RAP1GAP: variants seen among roughly 807,000 people sequenced by gnomAD.
RAP1GAP encodes the protein RAP1 GTPase activating protein.
RAP1GAP carries 35 observed loss-of-function variants against 87.2 expected under a neutral mutation model. The observed-to-expected ratio is 0.40, with a 90% CI of 0.31 to 0.53. RAP1GAP has a LOEUF of 0.53. RAP1GAP is among the 20% of genes least tolerant of loss of function. The probability of loss-of-function intolerance (pLI) is 0.48; values close to 1 mark genes in which losing one functional copy is unlikely to be tolerated. For missense variants in RAP1GAP, 734 were observed against 898.9 expected, an observed-to-expected ratio of 0.82 and a Z score of 2.35; for synonymous variants, 375 against 363.9, an observed-to-expected ratio of 1.03 and a Z score of -0.35.
intron 3 of RAP1GAP, among the ~76,000 whole-genome samples, chr1:21,625,371 C>T (rs539858768): frequency 1.1e-4 from 17 of 152,310 alleles, no homozygotes; most frequent in African/African-American, 3.9e-4. Context: ...ACTAAAAGGA[C>T]CAGGTGGCAT....
chr1:21,657,095 G>A (rs1314364456), intron 1 of RAP1GAP, among the ~76,000 whole-genome samples: 1 of 152,234 alleles, frequency 6.6e-6, no homozygotes, highest in African/African-American at 2.4e-5. Flanking sequence ...GGTCACACAT[G>A]CACTTGGCCT....
Position 21,610,120 on chromosome 1 carries a change from C to T in RAP1GAP, c.999G>A (p.Lys333=). 2 of 1,613,662 alleles carry T rather than the reference C, an allele frequency of 1.2e-6. No individual in the cohort carries two copies. Among genetic ancestry groups the T allele is most frequent in the Non-Finnish European group, 1.7e-6 (2 of 1,179,824 alleles). The change falls in exon 14 of 25, where the codon AAG becomes AAA. Residue 333 remains lysine (K), a splice_region_variant and synonymous_variant. Transcript: ENST00000374765. ...CCTGGGAGGCTCCAAGAGCGCCCAC[C>T]TTGTAGAGGGGGCCATCAGGGCCCC... ...EGGGPDGPLY[K]VSVTARDDVP...
chr1:21,596,572 C>T lies in RAP1GAP; in HGVS notation c.*727G>A, dbSNP rs1645297824. 1 of 152,264 alleles carries T rather than the reference C, an allele frequency of 6.6e-6. No homozygotes were observed. Among genetic ancestry groups the T allele is most frequent in the African/African-American group, 2.4e-5 (1 of 41,438 alleles). 9.4% of individuals were successfully genotyped at this position (152,264 alleles called of 1,614,324 possible). A position where few individuals can be genotyped will look rare whatever the true frequency, so the allele number is the denominator to read the frequency against. ...AGGCAGTGGACAGGGCATCGGCAGA[C>T]CTGTGGCAGAACTGGAGGGTCCAGG... On this transcript the variant is annotated 3_prime_UTR_variant, in exon 25 of 25. Transcript: ENST00000374765.
Position 21,603,937 on chromosome 1 carries a change from C to A in RAP1GAP, c.1429-1024G>T. On this transcript the variant is annotated intron_variant, in intron 18 of 24. Transcript: ENST00000374765. This position sits in a 1 kb window ranked among gnomAD's most constrained non-coding sequence, Gnocchi z 6.0. ...ACTGGCAAGCAGCAGAGGGCGGGGG[C>A]AGAGAGAGAGAGACAGAGAGAGAGT... The A allele has an allele frequency of 1.1e-5, 16 of 1,474,090 alleles. No homozygotes were observed. Among genetic ancestry groups the A allele is most frequent in the Non-Finnish European group, 1.5e-5 (16 of 1,092,826 alleles). The allele number at this position is 1,474,090 out of a possible 1,614,324, so 91.3% of individuals were successfully genotyped here.
At chr1:21,662,592 C>T (rs1171073359) in intron 1 of RAP1GAP, among the ~76,000 whole-genome samples, 1 of 152,086 alleles carries the variant, frequency 6.6e-6, no homozygotes, top group African/African-American at 2.4e-5. Flanking sequence ...AGCTTTAGGG[C>T]CTGGAAGCTT....
intron 4 of RAP1GAP, among the ~76,000 whole-genome samples, chr1:21,619,780 G>T (rs1011836253): frequency 6.6e-6 from 1 of 152,100 alleles, no homozygotes; most frequent in African/African-American, 2.4e-5. Context: ...CCCTGTTGCA[G>T]TTCCACACAG....
At chr1:21,654,944 C>A (rs1379227016) in intron 1 of RAP1GAP, among the ~76,000 whole-genome samples, 1 of 152,080 alleles carries the variant, frequency 6.6e-6, no homozygotes. Flanking sequence ...AGTTCAAGAC[C>A]AGCCTGGCCA....
At chr1:21,659,438 C>A (rs1428157357) in intron 1 of RAP1GAP, among the ~76,000 whole-genome samples, 8 of 152,312 alleles carry the variant, frequency 5.3e-5, no homozygotes, top group Non-Finnish European at 8.8e-5. Context: ...CCCTCCCTTA[C>A]ATGGAGGCGG....
In RAP1GAP at chr1:21,649,746, G is replaced by T. The variant is rs1391802069; in HGVS notation, c.-113+15C>A. 1.9e-6 allele frequency: 3 copies of T among 1,552,042 alleles called. No individual in the cohort carries two copies. Among genetic ancestry groups the T allele is most frequent in the Non-Finnish European group, 1.7e-6 (2 of 1,147,174 alleles). ...CAAGGAAACCCAGGCCCTCCTGAGA[G>T]TCCCCAGTACTCACCACACACTCCG... On this transcript the variant is annotated intron_variant, in intron 2 of 24. Transcript: ENST00000374765.
At chr1:21,619,117 C>T (rs746134681) in intron 4 of RAP1GAP, 45 bp from the exon 5 acceptor site, 19 of 1,549,648 alleles carry the variant, frequency 1.2e-5, no homozygotes, top group Middle Eastern at 1.8e-4. Context: ...GGCCTGCCGC[C>T]AGGCGCTGCC....
intron 3 of RAP1GAP, among the ~76,000 whole-genome samples, chr1:21,625,422 CA>C (rs2091545945): frequency 6.6e-6 from 1 of 152,178 alleles, no homozygotes. Flanking sequence ...AAAAGTACTG[CA>C]AAAGTGAGAG....
intron 13 of RAP1GAP, 120 bp downstream of exon 13, chr1:21,611,332 T>G: frequency 7.3e-7 from 1 of 1,365,008 alleles, no homozygotes. Context: ...GTGGGGGCGC[T>G]GATCATTTCC....
intron 18 of RAP1GAP, among the ~76,000 whole-genome samples, chr1:21,604,318 C>A (rs534002065): frequency 6.9e-6 from 1 of 145,302 alleles, no homozygotes; most frequent in Admixed American, 6.9e-5. Context: ...GTGAGAAGAG[C>A]GGAGAAGGGA....
At chr1:21,630,672 C>A (rs535798949) in intron 2 of RAP1GAP, among the ~76,000 whole-genome samples, 85 of 152,214 alleles carry the variant, frequency 5.6e-4, no homozygotes, top group Middle Eastern at 3.4e-3. Flanking sequence ...TCCCCCTCGG[C>A]CTCCTAGTAG....
At chr1:21,597,873 G>T in intron 23 of RAP1GAP, 88 bp downstream of exon 23, 1 of 1,497,096 alleles carries the variant, frequency 6.7e-7, no homozygotes, top group Non-Finnish European at 9.1e-7. Context: ...GGGACCTCTT[G>T]GTCGAGCCTC....
intron 1 of RAP1GAP, among the ~76,000 whole-genome samples, chr1:21,658,819 C>T (rs2096970745): frequency 6.6e-6 from 1 of 151,052 alleles, no homozygotes; most frequent in South Asian, 2.1e-4. Flanking sequence ...CATGCCACAG[C>T]ATTCATGTAG....
At chr1:21,626,998 A>T (rs978678459) in intron 2 of RAP1GAP, 4 of 456,622 alleles carry the variant, frequency 8.8e-6, no homozygotes, top group Non-Finnish European at 1.8e-5. Context: ...CAAAGCTAGC[A>T]TCTGCATGAG....
chr1:21,602,947 A>C, intron 18 of RAP1GAP, 34 bp from the exon 19 acceptor site: 2 of 1,507,496 alleles, frequency 1.3e-6, no homozygotes, highest in Admixed American at 1.8e-5. Context: ...GTGCCACCTT[A>C]CCTGGGAGCC....
intron 2 of RAP1GAP, among the ~76,000 whole-genome samples, chr1:21,637,152 T>C (rs966610753): frequency 4.7e-5 from 7 of 149,500 alleles, no homozygotes; most frequent in Admixed American, 1.3e-4. Flanking sequence ...TTTCTTTTTT[T>C]TTTTTTTTTT....
Sources: allele counts gnomAD v4.1 joint callset (sites outside exome capture counted in the v4.1 genomes callset), GRCh38; gene constraint gnomAD v4.1.1; non-coding constraint Gnocchi (gnomAD v3.1); transcripts MANE v1.5; gene names NCBI Gene and HGNC (gene_info 2026-07-23, HGNC 2026-07-21).